Variants in KANTR observed in about 807,000 individuals in gnomAD.
KANTR encodes the protein KANTR integral membrane protein.
At chrX:53,110,647 G>A (rs150168039) in intron 2 of KANTR, among the ~76,000 whole-genome samples, 4,360 of 111,807 alleles carry the variant, frequency 0.039, 95 homozygotes, top group Admixed American at 0.093. Flanking sequence ...GTTTGGGGCC[G>A]GGCGCCGTGG....
chrX:53,114,180 C>T (rs782137094), intron 2 of KANTR, among the ~76,000 whole-genome samples: 2 of 111,498 alleles, frequency 1.8e-5, no homozygotes, highest in African/African-American at 3.3e-5. Context: ...GTTGGGATTA[C>T]AGGCGTGAGC....
intron 2 of KANTR, among the ~76,000 whole-genome samples, chrX:53,115,362 C>G (rs1383995478): frequency 8.9e-6 from 1 of 112,045 alleles, no homozygotes; most frequent in Non-Finnish European, 1.9e-5. Flanking sequence ...TGGCCTGGTG[C>G]TGGGGTGGGC....
chrX:53,145,504 G>A (rs1933562058), downstream of KANTR, among the ~76,000 whole-genome samples: 1 of 112,072 alleles, frequency 8.9e-6, no homozygotes, highest in Non-Finnish European at 1.9e-5. Flanking sequence ...CGGCCCGGAA[G>A]CTCGAACTGG....
At chrX:53,114,274 C>T (rs1186287284) in intron 2 of KANTR, among the ~76,000 whole-genome samples, 4 of 111,970 alleles carry the variant, frequency 3.6e-5, no homozygotes, top group Non-Finnish European at 7.5e-5. Flanking sequence ...TCAAACTCCT[C>T]GGCTCAAGCA....
intron 2 of KANTR, among the ~76,000 whole-genome samples, chrX:53,114,892 T>C (rs968962007): frequency 9.0e-6 from 1 of 110,499 alleles, no homozygotes; most frequent in Admixed American, 9.6e-5. Context: ...GCCTGAACCC[T>C]GGGTCAGCTA....
At chrX:53,098,475 C>G (rs1322093851) in intron 1 of KANTR, among the ~76,000 whole-genome samples, 1 of 111,418 alleles carries the variant, frequency 9.0e-6, no homozygotes, top group Non-Finnish European at 1.9e-5. Context: ...CACGTCGACT[C>G]TTCCTTTCAC....
chrX:53,111,637 G>A lies in KANTR; in HGVS notation c.-804-11832G>A, dbSNP rs782002345. On this transcript the variant is annotated intron_variant, in intron 2 of 2. Transcript: ENST00000604062. ...TCATATGTTTTCGTGTTACTAATTAGCATTCTTTTCTTGCAGCTTGAAAAA... is the reference window on the plus strand; with the variant it reads ...TCATATGTTTTCGTGTTACTAATTAACATTCTTTTCTTGCAGCTTGAAAAA... Among the ~76,000 whole-genome samples the A allele has an allele frequency of 2.7e-5, 3 of 111,444 alleles. No individual in the cohort carries two copies. In the East Asian group the frequency reaches 8.4e-4, roughly 31 times the overall value.
chrX:53,134,925 A>G (rs1167078308), intron 2 of KANTR, among the ~76,000 whole-genome samples: 6 of 111,963 alleles, frequency 5.4e-5, no homozygotes, highest in African/African-American at 1.9e-4. Flanking sequence ...ACCAACAGGT[A>G]CAAACTTAAA....
exon 3 of KANTR, chrX:53,124,272 A>G (rs1209266515): frequency 1.4e-5 from 4 of 295,241 alleles, no homozygotes; most frequent in Non-Finnish European, 2.4e-5. Context: ...GAACTGTAAC[A>G]ATGTCTCCTT....
chrX:53,121,253 G>A (rs1303277866), intron 2 of KANTR, among the ~76,000 whole-genome samples: 4 of 111,388 alleles, frequency 3.6e-5, no homozygotes, highest in African/African-American at 9.8e-5. Context: ...TGCCTGCCTC[G>A]GCCTCCCAAA....
chrX:53,118,110 G>A (rs1264401909), intron 2 of KANTR, among the ~76,000 whole-genome samples: 1 of 111,734 alleles, frequency 8.9e-6, no homozygotes, highest in Non-Finnish European at 1.9e-5. Context: ...GTGCTACCAT[G>A]AGCATTCTTA....
Position 53,138,718 on chromosome X carries a change from AAG to A in KANTR, n.204-3128_204-3127del, listed in dbSNP as rs201118125. Among the ~76,000 whole-genome samples the A allele has an allele frequency of 9.4e-3, 1,031 of 109,843 alleles. 9 individuals are homozygous for A. Among genetic ancestry groups the A allele is most frequent in the Non-Finnish European group, 0.014 (722 of 52,675 alleles). On this transcript the variant is annotated intron_variant and non_coding_transcript_variant, in intron 2 of 2. Coordinates refer to the KANTR transcript ENST00000366185. ...GAAATTCTGTCTTAAAAAAAAAAAA[AAG>A]AAATATAAACAATGTGTCATTGGCA...
chrX:53,143,453 T>C (rs1434708359), downstream of KANTR: 3 of 592,949 alleles, frequency 5.1e-6, no homozygotes, highest in Non-Finnish European at 8.7e-6. Context: ...GTCTCCAGAG[T>C]CCATGACAGT....
At chrX:53,125,317 A>G (rs1933280008) in exon 3 of KANTR, 1 of 111,398 alleles carries the variant, frequency 9.0e-6, no homozygotes. Flanking sequence ...CTTGGAAACA[A>G]CATATAACTG....
chrX:53,136,888 C>A (rs1370288124), intron 2 of KANTR, among the ~76,000 whole-genome samples: 1 of 102,206 alleles, frequency 9.8e-6, no homozygotes, highest in East Asian at 3.2e-4. Context: ...GGATTACAGG[C>A]ATGTGCCACC....
intron 2 of KANTR, among the ~76,000 whole-genome samples, chrX:53,136,731 T>TATATATATATA (rs1491428007): frequency 8.2e-4 from 41 of 50,004 alleles, no homozygotes; most frequent in East Asian, 1.6e-3. Flanking sequence ...TATATATATA[T>TATATATATATA]TTTGTTTGTT....
intron 2 of KANTR, among the ~76,000 whole-genome samples, chrX:53,102,507 C>A (rs1284809214): frequency 1.8e-5 from 2 of 112,113 alleles, no homozygotes; most frequent in Non-Finnish European, 3.8e-5. Flanking sequence ...GGTGAGAATA[C>A]CGCAGAAGAG....
At chrX:53,145,177 A>ACTGAG (rs782445984), downstream of KANTR, among the ~76,000 whole-genome samples, 10 of 111,342 alleles carry the variant, frequency 9.0e-5, no homozygotes, top group Non-Finnish European at 1.9e-4. Flanking sequence ...GGTACAGTGC[A>ACTGAG]CTGAGCGTGA....
chrX:53,114,275 G>T (rs1474592619), intron 2 of KANTR, among the ~76,000 whole-genome samples: 1 of 111,785 alleles, frequency 8.9e-6, no homozygotes, highest in African/African-American at 3.3e-5. Flanking sequence ...CAAACTCCTC[G>T]GCTCAAGCAG....
Sources: allele counts gnomAD v4.1 joint callset (sites outside exome capture counted in the v4.1 genomes callset), GRCh38; gene constraint gnomAD v4.1.1; transcripts MANE v1.5; gene names NCBI Gene and HGNC (gene_info 2026-07-23, HGNC 2026-07-21).